NOSIP: variants seen among roughly 807,000 people sequenced by gnomAD.
NOSIP encodes nitric oxide synthase-interacting protein.
Under a neutral mutation model 36.4 loss-of-function variants are expected in NOSIP, and 25 were observed. The observed-to-expected ratio is 0.69, with a 90% CI of 0.50 to 0.96. The LOEUF (loss-of-function observed/expected upper bound fraction) is 0.96, where lower values mean the gene tolerates loss of function less well. Ranked by LOEUF, NOSIP falls within the 40% of genes least tolerant of loss-of-function variation. The pLI is 0.00. For synonymous variants in NOSIP, 187 were observed against 179.2 expected (o/e 1.04, Z -0.35); for missense variants, 370 against 429.0 (o/e 0.86, Z 1.21).
At position 49,560,535 on chromosome 19, in the gene NOSIP, AC is replaced by A. The variant is rs1229888918; in HGVS notation, c.70+86del. The A allele has an allele frequency of 5.0e-6, 5 of 1,008,068 alleles. No homozygotes were observed. The African/African-American group carries it at 6.4e-5, about 13-fold the overall frequency. The allele number at this position is 1,008,068 out of a possible 1,614,324, so 62.4% of individuals were successfully genotyped here. On this transcript the variant is annotated intron_variant, in intron 2 of 8. Transcript: ENST00000596358. The surrounding 1 kb of genome is among the most constrained non-coding windows in gnomAD (Gnocchi z 4.6). ...TATCGGGGGCGGGAGAGAGACAGGG[AC>A]AGAGGAAGCAAAACCTGGGGCACGA...
chr19:49,566,790 C>CATATATATATAT (rs1396220464), intron 1 of NOSIP: 11 of 117,738 alleles, frequency 9.3e-5, no homozygotes, highest in South Asian at 5.5e-4. Flanking sequence ...AATACATATA[C>CATATATATATAT]ATACATATAT....
chr19:49,555,574 T>C lies in NOSIP; in HGVS notation c.*177A>G. ...GTGCCTGGCCAGATTTTGTTCTTAA[T>C]GTGAGACCACATTCAATATGCTTAG... On this transcript the variant is annotated 3_prime_UTR_variant, in exon 9 of 9. Coordinates refer to ENST00000596358, the MANE Select transcript of NOSIP (RefSeq NM_001270960.2). 2 of 570,228 alleles carry C rather than the reference T, an allele frequency of 3.5e-6. No individual in the cohort carries two copies. Among genetic ancestry groups the C allele is most frequent in the African/African-American group, 1.9e-5 (1 of 51,908 alleles). 35.3% of individuals were successfully genotyped at this position (570,228 alleles called of 1,614,324 possible). A position where few individuals can be genotyped will look rare whatever the true frequency, so the allele number is the denominator to read the frequency against.
Position 49,556,913 on chromosome 19 carries a change from G to A in NOSIP, c.499C>T (p.Leu167=). The change falls in exon 6 of 9, where the codon CTG becomes TTG. Residue 167 remains leucine (L), a synonymous_variant. Transcript: ENST00000596358. ...KVLPSFWIPS[L]TPEAKATKLE... Reference sequence around the variant, plus strand: ...TTGGTGGCCTTGGCTTCGGGCGTCAGCGACGGGATCCAGAAGCTGGGCAGC... The same window carrying A: ...TTGGTGGCCTTGGCTTCGGGCGTCAACGACGGGATCCAGAAGCTGGGCAGC... The A allele has an allele frequency of 6.2e-7, 1 of 1,613,640 alleles. No homozygotes were observed. The highest frequency in any genetic ancestry group is 8.5e-7 in the Non-Finnish European group (1 of 1,179,778).
Position 49,560,530 on chromosome 19 carries a change from C to T in NOSIP, c.70+92G>A. ...GTGTATATCGGGGGCGGGAGAGAGA[C>T]AGGGACAGAGGAAGCAAAACCTGGG... On this transcript the variant is annotated intron_variant, in intron 2 of 8. Coordinates refer to ENST00000596358, the MANE Select transcript of NOSIP (RefSeq NM_001270960.2). This position sits in a 1 kb window ranked among gnomAD's most constrained non-coding sequence, Gnocchi z 4.6. The T allele has an allele frequency of 1.1e-6, 1 of 949,468 alleles. No individual in the cohort carries two copies. Among genetic ancestry groups the T allele is most frequent in the Non-Finnish European group, 1.7e-6 (1 of 602,478 alleles). 58.8% of individuals were successfully genotyped at this position (949,468 alleles called of 1,614,324 possible).
chr19:49,569,855 G>T (rs530277692), intron 1 of NOSIP, among the ~76,000 whole-genome samples: 2 of 150,838 alleles, frequency 1.3e-5, no homozygotes, highest in Non-Finnish European at 3.0e-5. Context: ...ACACTTGCAG[G>T]TGGGGCGAGG....
chr19:49,575,187 CA>C (rs1455147388), intron 1 of NOSIP, among the ~76,000 whole-genome samples: 1 of 152,036 alleles, frequency 6.6e-6, no homozygotes, highest in Non-Finnish European at 1.5e-5. Flanking sequence ...TTAGTAGAGA[CA>C]GAGTTTCACC....
Position 49,555,634 on chromosome 19 carries a change from G to T in NOSIP, c.*117C>A. On this transcript the variant is annotated 3_prime_UTR_variant, in exon 9 of 9. Transcript: ENST00000596358. ...TCAAACTCCAGCGTGCGCTGTAGGA[G>T]CACTGTTTGCACGGCCCTGCATCCT... 1.3e-6 allele frequency: 1 copy of T among 775,572 alleles called. No individual in the cohort carries two copies. Among genetic ancestry groups the T allele is most frequent in the Non-Finnish European group, 2.2e-6 (1 of 452,186 alleles). The allele number at this position is 775,572 out of a possible 1,614,324, so 48.0% of individuals were successfully genotyped here. A position where few individuals can be genotyped will look rare whatever the true frequency, so the allele number is the denominator to read the frequency against.
chr19:49,574,465 C>T (rs1449421894), intron 1 of NOSIP, among the ~76,000 whole-genome samples: 1 of 152,144 alleles, frequency 6.6e-6, no homozygotes, highest in Non-Finnish European at 1.5e-5. Context: ...TCACAGGATG[C>T]TAATTCTTGC....
intron 1 of NOSIP, among the ~76,000 whole-genome samples, chr19:49,572,801 C>G (rs1308120122): frequency 6.6e-6 from 1 of 151,848 alleles, no homozygotes; most frequent in Non-Finnish European, 1.5e-5. Context: ...TGGCGAAACC[C>G]TGTCTCTACT....
intron 1 of NOSIP, among the ~76,000 whole-genome samples, chr19:49,577,572 T>C (rs1199893581): frequency 3.4e-5 from 5 of 149,178 alleles, no homozygotes; most frequent in Non-Finnish European, 5.9e-5. Context: ...GAAGTATATC[T>C]TGGGTAAAGG....
rs1271232310 is a variant in NOSIP, at chr19:49,560,821, TG to T, written c.-1-130del. The T allele has an allele frequency of 6.9e-6, 5 of 729,124 alleles. No individual in the cohort carries two copies. The African/African-American group carries it at 8.7e-5, about 13-fold the overall frequency. 45.2% of individuals were successfully genotyped at this position (729,124 alleles called of 1,614,324 possible). A position where few individuals can be genotyped will look rare whatever the true frequency, so the allele number is the denominator to read the frequency against. ...GCGGAGGCGGAGAAGGGGGGTGAGG[TG>T]GAAGAGAGGGAGGGCATGTGGTCGC... is the stretch of plus-strand genomic sequence containing the variant. On this transcript the variant is annotated intron_variant, in intron 1 of 8. Transcript: ENST00000596358. The surrounding 1 kb of genome is among the most constrained non-coding windows in gnomAD (Gnocchi z 4.6).
Position 49,557,233 on chromosome 19 carries a change from C to T in NOSIP, c.275G>A (p.Arg92Gln), listed in dbSNP as rs1436855961. The T allele has an allele frequency of 3.1e-6, 5 of 1,589,820 alleles. No individual in the cohort carries two copies. Among genetic ancestry groups the T allele is most frequent in the East Asian group, 2.3e-5 (1 of 43,930 alleles). The change falls in exon 5 of 9, where the codon CGG becomes CAG. Residue 92 changes from arginine to glutamine, a missense_variant. By Grantham distance (43) the Arg-to-Gln change is conservative. This residue lies in a region of NOSIP where 315 missense variants were observed against 331.9 expected (regional missense o/e 0.95). Transcript: ENST00000596358. The stretch of plus-strand genomic sequence containing the variant: ...CTTCTGCTCCTCGCGCCGGGTGCCC[C>T]GCTGCTTCTCGTAGGCCTGCGTCGG... ...ARQMKAYEKQ[R>Q]GTRREEQKEL...
rs536334860 is a variant in NOSIP at position 49,561,052 on chromosome 19, A to G, written c.-1-360T>C. ...AAAAAAAGACACCAAGGGGGCCACT[A>G]TTGTTGATGAATCCACTCCACCTTC... On this transcript the variant is annotated intron_variant, in intron 1 of 8. Transcript: ENST00000596358. 2.0e-5 allele frequency among the ~76,000 whole-genome samples: 3 copies of G among 152,148 alleles called. No individual in the cohort carries two copies. In the South Asian group the frequency reaches 6.2e-4, roughly 32 times the overall value.
intron 7 of NOSIP, 24 bp from the exon 8 acceptor site, chr19:49,556,449 G>A: frequency 1.2e-6 from 2 of 1,611,234 alleles, no homozygotes; most frequent in Non-Finnish European, 1.7e-6. Context: ...GAAGGCGGGA[G>A]ACTCTGATCA....
At chr19:49,571,421 T>C (rs1321046869) in intron 1 of NOSIP, among the ~76,000 whole-genome samples, 1 of 152,158 alleles carries the variant, frequency 6.6e-6, no homozygotes, top group Non-Finnish European at 1.5e-5. Context: ...TGCCCCACAC[T>C]ATATTGTCTC....
chr19:49,565,808 C>G (rs963953978), intron 1 of NOSIP, among the ~76,000 whole-genome samples: 3 of 151,804 alleles, frequency 2.0e-5, no homozygotes. Context: ...GGGGAACCCC[C>G]ACTCCATCTT....
At position 49,555,825 on chromosome 19, in the gene NOSIP, G is replaced by T. The variant is rs796399047; in HGVS notation, c.835-3C>A. On this transcript the variant is annotated splice_polypyrimidine_tract_variant and splice_region_variant and intron_variant, in intron 8 of 8. Coordinates refer to ENST00000596358, the MANE Select transcript of NOSIP (RefSeq NM_001270960.2). ...GAGCCCGCGAAGCCGGTACCGCCCT[G>T]GGGGAGGTAGAGAGAAGGACGAGGT... 1.2e-6 allele frequency: 2 copies of T among 1,612,158 alleles called. No individual in the cohort carries two copies. Among genetic ancestry groups the T allele is most frequent in the Admixed American group, 1.7e-5 (1 of 59,954 alleles).
intron 3 of NOSIP, 68 bp from the exon 4 acceptor site, chr19:49,559,046 G>A: frequency 1.6e-6 from 2 of 1,277,116 alleles, no homozygotes; most frequent in Non-Finnish European, 2.3e-6. Context: ...CGAAGTGCTG[G>A]GATTATAGGC....
intron 1 of NOSIP, among the ~76,000 whole-genome samples, chr19:49,562,196 A>G (rs374367134): frequency 6.6e-6 from 1 of 152,152 alleles, no homozygotes; most frequent in Non-Finnish European, 1.5e-5. Context: ...ATCTTGGCTC[A>G]CTGAAACCTC....
Sources: gnomAD v4.1 joint callset for allele counts (sites outside exome capture counted in the v4.1 genomes callset) on GRCh38, gnomAD v4.1.1 for gene constraint, gnomAD v4.1.1 regional missense constraint, Gnocchi (gnomAD v3.1) non-coding constraint, MANE v1.5 for transcripts, NCBI Gene and HGNC (gene_info 2026-07-23, HGNC 2026-07-21) for gene names.